CALN1: variants seen among roughly 807,000 people sequenced by gnomAD.
CALN1 encodes calneuron 1.
A neutral mutation model predicts 30.6 loss-of-function variants in CALN1; 17 were observed. The observed-to-expected ratio is 0.56, with a 90% CI of 0.38 to 0.83. CALN1 has a LOEUF of 0.83. Among genes scored for constraint, CALN1 ranks in the 40% least tolerant of loss-of-function variants. CALN1 has a pLI of 0.00. For missense variants in CALN1, 291 were observed against 354.9 expected (o/e 0.82, Z 1.45); for synonymous variants, 156 against 131.4 (o/e 1.19, Z -1.28).
chr7:72,213,217 T>C (rs968793532), intron 3 of CALN1, among the ~76,000 whole-genome samples: 7 of 152,232 alleles, frequency 4.6e-5, no homozygotes, highest in Non-Finnish European at 1.0e-4. Flanking sequence ...TCAGACGTTA[T>C]CTTTGTTCTC....
At chr7:72,299,895 T>TG (rs1173714850) in intron 2 of CALN1, among the ~76,000 whole-genome samples, 3 of 151,990 alleles carry the variant, frequency 2.0e-5, no homozygotes, top group Non-Finnish European at 4.4e-5. Context: ...TGTTTTGTTT[T>TG]TTTGTTTGTT....
At chr7:72,347,950 C>G (rs1802730928) in intron 2 of CALN1, among the ~76,000 whole-genome samples, 1 of 151,904 alleles carries the variant, frequency 6.6e-6, no homozygotes, top group Admixed American at 6.6e-5. Flanking sequence ...GGCCAACATG[C>G]TGAGACCCTG....
chr7:72,247,140 C>T (rs2129551749), intron 3 of CALN1, among the ~76,000 whole-genome samples: 1 of 151,836 alleles, frequency 6.6e-6, no homozygotes, highest in East Asian at 1.9e-4. Flanking sequence ...TATCCCCACC[C>T]AGATAGTTAC....
chr7:71,918,078 A>T (rs936820290), intron 5 of CALN1, among the ~76,000 whole-genome samples: 1 of 152,180 alleles, frequency 6.6e-6, no homozygotes, highest in African/African-American at 2.4e-5. Flanking sequence ...ATAACCCCTG[A>T]CTTGCCTAGA....
At chr7:72,119,670 T>C (rs1018024919) in intron 3 of CALN1, among the ~76,000 whole-genome samples, 10 of 152,128 alleles carry the variant, frequency 6.6e-5, no homozygotes, top group African/African-American at 2.2e-4. Context: ...CTTACAGTCA[T>C]GGTGGAAGGT....
At chr7:72,472,656 C>T in the CALN1 span, among the ~76,000 whole-genome samples, 1 of 152,098 alleles carries the variant, frequency 6.6e-6, no homozygotes, top group Non-Finnish European at 1.5e-5. Flanking sequence ...GTGGCGGGCG[C>T]CTGTAGTCTC....
At chr7:72,052,678 G>A (rs977713260) in intron 4 of CALN1, among the ~76,000 whole-genome samples, 2 of 152,152 alleles carry the variant, frequency 1.3e-5, no homozygotes, top group South Asian at 2.1e-4. Flanking sequence ...CAGAGAAGGC[G>A]GATGGAAATC....
chr7:71,897,399 G>GA (rs1793589384), intron 5 of CALN1, among the ~76,000 whole-genome samples: 1 of 151,868 alleles, frequency 6.6e-6, no homozygotes, highest in Admixed American at 6.6e-5. Flanking sequence ...AAAGAAGGGG[G>GA]ATTCTACAAA....
intron 3 of CALN1, among the ~76,000 whole-genome samples, chr7:72,196,586 T>A (rs1376280174): frequency 6.6e-6 from 1 of 152,204 alleles, no homozygotes; most frequent in African/African-American, 2.4e-5. Flanking sequence ...AAAGATGTCA[T>A]ATGTAGATTC....
At chr7:71,836,167 T>A (rs1311667282) in intron 5 of CALN1, among the ~76,000 whole-genome samples, 3 of 152,226 alleles carry the variant, frequency 2.0e-5, no homozygotes, top group African/African-American at 7.2e-5. Context: ...GAGCCCAGCC[T>A]GGATCAACCG....
At chr7:72,387,416 C>T (rs771618512) in intron 2 of CALN1, among the ~76,000 whole-genome samples, 32 of 152,070 alleles carry the variant, frequency 2.1e-4, no homozygotes, top group Non-Finnish European at 4.3e-4. Flanking sequence ...GTGACTTTCT[C>T]CCAAAGGATA....
intron 5 of CALN1, among the ~76,000 whole-genome samples, chr7:71,993,868 A>C (rs952398993): frequency 6.6e-6 from 1 of 152,180 alleles, no homozygotes; most frequent in Non-Finnish European, 1.5e-5. Flanking sequence ...TCTCAAATGA[A>C]GGCCTTAATT....
At chr7:72,348,287 AG>A (rs1802747240) in intron 2 of CALN1, among the ~76,000 whole-genome samples, 1 of 152,218 alleles carries the variant, frequency 6.6e-6, no homozygotes, top group African/African-American at 2.4e-5. Context: ...ACGTGAGAAG[AG>A]GTACAAATTA....
At chr7:72,448,120 G>A (rs544786332), upstream of CALN1, among the ~76,000 whole-genome samples, 13 of 151,872 alleles carry the variant, frequency 8.6e-5, no homozygotes, top group South Asian at 2.1e-4. Context: ...ATGTCTGCCC[G>A]TACACCCATA....
chr7:72,368,848 A>G (rs182553619), intron 2 of CALN1, among the ~76,000 whole-genome samples: 4 of 132,860 alleles, frequency 3.0e-5, no homozygotes, highest in Non-Finnish European at 6.2e-5. Flanking sequence ...AGAATCTCAC[A>G]CTGTTGCCCA....
chr7:72,062,143 T>G (rs1803698127), intron 4 of CALN1, among the ~76,000 whole-genome samples: 1 of 152,002 alleles, frequency 6.6e-6, no homozygotes, highest in Non-Finnish European at 1.5e-5. Flanking sequence ...CATTTTCCAA[T>G]GAAGAAAAGT....
chr7:72,221,132 T>C (rs1793256204), intron 3 of CALN1, among the ~76,000 whole-genome samples: 2 of 152,116 alleles, frequency 1.3e-5, no homozygotes, highest in Non-Finnish European at 2.9e-5. Flanking sequence ...TGCAACAATT[T>C]CTAAAACCAT....
intron 5 of CALN1, among the ~76,000 whole-genome samples, chr7:72,000,369 T>C (rs1799464675): frequency 6.6e-6 from 1 of 151,632 alleles, no homozygotes; most frequent in South Asian, 2.1e-4. Flanking sequence ...CTGCAACCAT[T>C]AAGAAGAGAA....
intron 6 of CALN1, among the ~76,000 whole-genome samples, chr7:71,808,999 C>A (rs184283304): frequency 6.6e-6 from 1 of 152,232 alleles, no homozygotes; most frequent in East Asian, 1.9e-4. Context: ...GACTCCCACT[C>A]CAAATACAGT....
Sources: gnomAD v4.1 joint callset for allele counts (sites outside exome capture counted in the v4.1 genomes callset) on GRCh38, gnomAD v4.1.1 for gene constraint, MANE v1.5 for transcripts, NCBI Gene and HGNC (gene_info 2026-07-23, HGNC 2026-07-21) for gene names.